The following CRACD variants were observed in gnomAD, a reference collection of about 807,000 sequenced individuals.
CRACD encodes the protein capping protein inhibiting regulator of actin dynamics.
In CRACD, 56 loss-of-function variants were observed where a neutral mutation model predicts 106.8. The observed-to-expected ratio is 0.52, with a 90% CI of 0.42 to 0.66. The LOEUF (loss-of-function observed/expected upper bound fraction) is 0.66, where lower values mean the gene tolerates loss of function less well. Among genes scored for constraint, CRACD ranks in the 30% least tolerant of loss-of-function variants. The probability of loss-of-function intolerance (pLI) is 0.00; values close to 1 mark genes in which losing one functional copy is unlikely to be tolerated. For synonymous variants in CRACD, 754 were observed against 670.8 expected (o/e 1.12, Z -1.92); for missense variants, 1,730 against 1,623.2 (o/e 1.07, Z -1.13).
intron 1 of CRACD, among the ~76,000 whole-genome samples, chr4:56,069,807 A>T (rs947275799): frequency 6.6e-6 from 1 of 152,168 alleles, no homozygotes; most frequent in African/African-American, 2.4e-5. Context: ...GAAAAAAGAG[A>T]CTATACCAGA....
chr4:56,239,145 T>C lies in CRACD; in HGVS notation c.-188-33176T>C, dbSNP rs1363619354. Among the ~76,000 whole-genome samples, 9 of 152,044 alleles carry C rather than the reference T, an allele frequency of 5.9e-5. No individual in the cohort carries two copies. In the East Asian group the frequency reaches 1.7e-3, roughly 29 times the overall value. On this transcript the variant is annotated intron_variant, in intron 2 of 10. Transcript: ENST00000682029. ...GCGTCTCTACTAAAACTACAAAAAT[T>C]AGCTGGGTATGGTGGTACGTGCCTG...
At chr4:56,274,398 T>G (rs1359382760) in intron 3 of CRACD, among the ~76,000 whole-genome samples, 1 of 152,216 alleles carries the variant, frequency 6.6e-6, no homozygotes, top group Non-Finnish European at 1.5e-5. Context: ...CAACCCATCC[T>G]TTTTGTAGTA....
intron 1 of CRACD, among the ~76,000 whole-genome samples, chr4:56,114,893 T>C (rs965007429): frequency 6.6e-6 from 1 of 152,202 alleles, no homozygotes; most frequent in Non-Finnish European, 1.5e-5. Context: ...GCCATTGTTC[T>C]GGAGAATCAT....
intron 2 of CRACD, among the ~76,000 whole-genome samples, chr4:56,227,453 A>G (rs1199016061): frequency 1.3e-5 from 2 of 152,160 alleles, no homozygotes; most frequent in Non-Finnish European, 2.9e-5. Context: ...ATCAGTAACA[A>G]GGAAACTTCC....
chr4:56,149,914 T>C (rs1735523535), intron 1 of CRACD, among the ~76,000 whole-genome samples: 1 of 152,226 alleles, frequency 6.6e-6, no homozygotes, highest in African/African-American at 2.4e-5. Context: ...TGCCTTATAA[T>C]TGAAAACTCA....
chr4:56,143,296 G>A (rs1423872955), intron 1 of CRACD, among the ~76,000 whole-genome samples: 1 of 151,896 alleles, frequency 6.6e-6, no homozygotes, highest in East Asian at 1.9e-4. Flanking sequence ...ATTACTCCTA[G>A]TTTAAGGGTA....
At chr4:56,309,131 A>C (rs553367841) in intron 5 of CRACD, 313 of 402,454 alleles carry the variant, frequency 7.8e-4, no homozygotes, top group Non-Finnish European at 1.4e-3. Context: ...GGTGGTGGAG[A>C]GGTCTCTTAT....
intron 1 of CRACD, among the ~76,000 whole-genome samples, chr4:56,144,660 CTT>C (rs59754348): frequency 3.5e-5 from 5 of 143,356 alleles, no homozygotes; most frequent in Non-Finnish European, 4.6e-5. Flanking sequence ...CTTTCTTCTT[CTT>C]TTTTTTTTTT....
intron 2 of CRACD, among the ~76,000 whole-genome samples, chr4:56,235,452 A>G (rs1357528307): frequency 3.9e-5 from 6 of 152,236 alleles, no homozygotes; most frequent in Admixed American, 6.5e-5. Context: ...ATTAAATACC[A>G]GCTCACATCT....
intron 1 of CRACD, among the ~76,000 whole-genome samples, chr4:56,173,820 C>T (rs1736474770): frequency 6.6e-6 from 1 of 152,114 alleles, no homozygotes; most frequent in Admixed American, 6.5e-5. Flanking sequence ...GTCCACTGTA[C>T]GTTTTACATT....
chr4:56,166,611 C>T (rs575794361), intron 1 of CRACD, among the ~76,000 whole-genome samples: 10 of 129,656 alleles, frequency 7.7e-5, no homozygotes, highest in African/African-American at 2.1e-4. Context: ...ACCTAGGAAG[C>T]GGAGGTTGCA....
In CRACD at chr4:56,315,284, C is replaced by A; in HGVS notation, c.1782C>A (p.Thr594=). The A allele has an allele frequency of 6.2e-7, 1 of 1,613,166 alleles. No homozygotes were observed. The highest frequency in any genetic ancestry group is 1.1e-5 in the South Asian group (1 of 90,832). The stretch of plus-strand genomic sequence containing the variant: ...CGTCGTCCCTGAGCGTTCCCCACAC[C>A]GCCATTCTGGTCACGGGCGCGCAGC... The part of the protein sequence containing the change: ...ALPSSLSVPH[T]AILVTGAQLC... Residue 594 remains threonine (T), a synonymous_variant, in exon 8 of 11, where the codon ACC becomes ACA. Transcript: ENST00000682029. This position sits in a 1 kb window ranked among gnomAD's most constrained non-coding sequence, Gnocchi z 4.1.
intron 1 of CRACD, among the ~76,000 whole-genome samples, chr4:56,123,505 G>T (rs1007041608): frequency 9.2e-5 from 14 of 152,164 alleles, no homozygotes; most frequent in African/African-American, 3.4e-4. Context: ...TCTAATCCCA[G>T]TTGCCTTCCA....
intron 1 of CRACD, among the ~76,000 whole-genome samples, chr4:56,134,338 T>C (rs61396983): frequency 0.018 from 2,721 of 152,262 alleles, 43 homozygotes; most frequent in East Asian, 0.063. Context: ...GAGATTAAAA[T>C]GTATTATCAG....
At chr4:56,059,640 G>A (rs1277335401) in intron 1 of CRACD, among the ~76,000 whole-genome samples, 1 of 152,200 alleles carries the variant, frequency 6.6e-6, no homozygotes, top group Non-Finnish European at 1.5e-5. Context: ...CAGATTGCTT[G>A]AATGTGACAA....
chr4:56,133,974 G>A (rs1734910307), intron 1 of CRACD, among the ~76,000 whole-genome samples: 1 of 152,094 alleles, frequency 6.6e-6, no homozygotes, highest in Non-Finnish European at 1.5e-5. Context: ...GGCTGAGGTG[G>A]GTGATTGCAT....
At chr4:56,166,645 G>C (rs1359445487) in intron 1 of CRACD, among the ~76,000 whole-genome samples, 1 of 135,036 alleles carries the variant, frequency 7.4e-6, no homozygotes, top group African/African-American at 2.9e-5. Context: ...CTGCACTCTA[G>C]CCTGGGTGAG....
intron 1 of CRACD, among the ~76,000 whole-genome samples, chr4:56,126,617 G>C (rs1350899645): frequency 6.6e-6 from 1 of 152,138 alleles, no homozygotes; most frequent in Non-Finnish European, 1.5e-5. Context: ...GTTTTAACCA[G>C]TAGTTCTTTA....
At chr4:56,301,789 G>A (rs1446163097) in intron 4 of CRACD, among the ~76,000 whole-genome samples, 3 of 151,910 alleles carry the variant, frequency 2.0e-5, no homozygotes, top group Admixed American at 2.0e-4. Flanking sequence ...CCTGAGTAAT[G>A]TGAATCTACC....
Sources: allele counts gnomAD v4.1 joint callset (sites outside exome capture counted in the v4.1 genomes callset), GRCh38; gene constraint gnomAD v4.1.1; non-coding constraint Gnocchi (gnomAD v3.1); transcripts MANE v1.5; gene names NCBI Gene and HGNC (gene_info 2026-07-23, HGNC 2026-07-21).